The following BRWD1 variants were observed in gnomAD, a reference collection of about 807,000 sequenced individuals.
BRWD1 encodes bromodomain and WD repeat-containing protein 1.
In BRWD1, 82 loss-of-function variants were observed where a neutral mutation model predicts 251.2. The observed-to-expected ratio is 0.33, with a 90% CI of 0.27 to 0.39. The LOEUF (loss-of-function observed/expected upper bound fraction) is 0.39. Among genes scored for constraint, BRWD1 ranks in the 10% least tolerant of loss-of-function variants. BRWD1 has a pLI of 1.00. For synonymous variants in BRWD1, 918 were observed against 902.8 expected, an observed-to-expected ratio of 1.02 and a Z score of -0.30; for missense variants, 2,233 against 2,711.6, an observed-to-expected ratio of 0.82 and a Z score of 3.92.
In BRWD1 at chr21:39,190,532, A is replaced by T. The variant is rs986571604; in HGVS notation, c.*5727T>A. 26 of 985,286 alleles carry T rather than the reference A, an allele frequency of 2.6e-5. No individual in the cohort carries two copies. The highest frequency in any genetic ancestry group is 3.0e-5 in the Non-Finnish European group (25 of 829,914). The allele number at this position is 985,286 out of a possible 1,614,324, so 61.0% of individuals were successfully genotyped here. ...TGGGTAAACCCTCTAGGTGCAAGTT[A>T]TAAGCTCCCTCAAGCAAGCCTTTTA... On this transcript the variant is annotated 3_prime_UTR_variant, in exon 41 of 41. Transcript: ENST00000342449.
At chr21:39,245,076 A>C (rs74603897) in intron 21 of BRWD1, among the ~76,000 whole-genome samples, 2,299 of 151,652 alleles carry the variant, frequency 0.015, 56 homozygotes, top group African/African-American at 0.053. Context: ...AAACATTCTC[A>C]TTACATAATA....
chr21:39,184,467 A>G (rs1336807826), downstream of BRWD1: 2 of 152,230 alleles, frequency 1.3e-5, no homozygotes, highest in Non-Finnish European at 2.9e-5. Context: ...AATATGCAGT[A>G]ATGCAATGAA....
chr21:39,297,236 T>C (rs887939586), intron 5 of BRWD1: 5 of 985,470 alleles, frequency 5.1e-6, no homozygotes, highest in Admixed American at 6.1e-5. Context: ...GAAGGCATCA[T>C]ACTAAACCTC....
chr21:39,254,812 G>A (rs75367873), intron 19 of BRWD1, among the ~76,000 whole-genome samples: 2,641 of 152,220 alleles, frequency 0.017, 72 homozygotes, highest in African/African-American at 0.06. Flanking sequence ...CACAAAAACC[G>A]AGGAGGCTAT....
At chr21:39,277,769 T>A (rs1289623780) in intron 10 of BRWD1, among the ~76,000 whole-genome samples, 1 of 152,146 alleles carries the variant, frequency 6.6e-6, no homozygotes, top group African/African-American at 2.4e-5. Flanking sequence ...TCTCACCATG[T>A]TGGTCAGGAT....
chr21:39,231,435 ACCATGATTTGGTT>A (rs2033612818), intron 25 of BRWD1, among the ~76,000 whole-genome samples: 1 of 152,148 alleles, frequency 6.6e-6, no homozygotes, highest in Non-Finnish European at 1.5e-5. Context: ...GTGTGAATGC[ACCATGATTTGGTT>A]CATTCACTAT....
chr21:39,313,355 G>GC (rs2036582728), intron 1 of BRWD1, 56 bp from the exon 2 acceptor site: 2 of 1,446,442 alleles, frequency 1.4e-6, no homozygotes, highest in Non-Finnish European at 1.8e-6. Context: ...GGGGGACGGG[G>GC]CCAGGGGAGC....
chr21:39,192,535 C>T lies in BRWD1; in HGVS notation c.*3724G>A. 1.0e-6 allele frequency: 1 copy of T among 984,166 alleles called. No individual in the cohort carries two copies. The highest frequency in any genetic ancestry group is 1.2e-6 in the Non-Finnish European group (1 of 828,878). The allele number at this position is 984,166 out of a possible 1,614,324, so 61.0% of individuals were successfully genotyped here. The stretch of plus-strand genomic sequence containing the variant: ...AAAAGTTCTACAATGACTTGTTGCA[C>T]TCTATCACATTAAAATAATTGAACT... On this transcript the variant is annotated 3_prime_UTR_variant, in exon 41 of 41. Coordinates refer to ENST00000342449, the MANE Select transcript of BRWD1 (RefSeq NM_033656.4).
rs1317232118 is a variant in BRWD1, at chr21:39,313,572, C to T, written c.-81G>A. ...CGCCGAGGCCTGACCGGGCTGGCGT[C>T]CCCTCTTCTCAGGCGCGCGCCGCCG... On this transcript the variant is annotated 5_prime_UTR_variant, in exon 1 of 41. Transcript: ENST00000342449. The T allele has an allele frequency of 1.3e-5, 15 of 1,189,234 alleles. No individual in the cohort carries two copies. Among genetic ancestry groups the T allele is most frequent in the Non-Finnish European group, 1.6e-5 (15 of 947,178 alleles). The allele number at this position is 1,189,234 out of a possible 1,614,324, so 73.7% of individuals were successfully genotyped here.
chr21:39,194,584 A>C lies in BRWD1; in HGVS notation c.*1675T>G, dbSNP rs2031714872. On this transcript the variant is annotated 3_prime_UTR_variant, in exon 41 of 41. Transcript: ENST00000342449. Reference sequence around the variant, plus strand: ...CTATCTCAGTTGATAATGTCCAAAAACATCCTTCCCCATGCATCAGAGTAG... The same window carrying C: ...CTATCTCAGTTGATAATGTCCAAAACCATCCTTCCCCATGCATCAGAGTAG... 2 of 1,474,526 alleles carry C rather than the reference A, an allele frequency of 1.4e-6. No individual in the cohort carries two copies. The allele number at this position is 1,474,526 out of a possible 1,614,324, so 91.3% of individuals were successfully genotyped here.
chr21:39,305,079 C>T (rs547264042), intron 4 of BRWD1, among the ~76,000 whole-genome samples: 2 of 150,662 alleles, frequency 1.3e-5, no homozygotes, highest in South Asian at 2.1e-4. Flanking sequence ...CCTGCCTCAA[C>T]CTCCCAAGTA....
Position 39,203,438 on chromosome 21 carries a change from C to CTTTTT in BRWD1, c.4365-898_4365-894dup, listed in dbSNP as rs71330353. 8.9e-4 allele frequency among the ~76,000 whole-genome samples: 60 copies of CTTTTT among 67,656 alleles called. 2 individuals are homozygous for CTTTTT. Among genetic ancestry groups the CTTTTT allele is most frequent in the South Asian group, 1.2e-3 (2 of 1,684 alleles). The allele number at this position is 67,656 out of a possible 152,430, so 44.4% of individuals were successfully genotyped here. A position where few individuals can be genotyped will look rare whatever the true frequency, so the allele number is the denominator to read the frequency against. ...TGGGCAACAGAGCAAGACCCTGGTT[C>CTTTTT]TTTTTTTTTTTTTTTTTTTTTTTTG... is the stretch of plus-strand genomic sequence containing the variant. On this transcript the variant is annotated intron_variant, in intron 37 of 40. Transcript: ENST00000342449.
At chr21:39,289,462 AT>A (rs911457854) in intron 8 of BRWD1, among the ~76,000 whole-genome samples, 74 of 144,926 alleles carry the variant, frequency 5.1e-4, no homozygotes, top group Admixed American at 4.8e-4. Context: ...CCACACATTC[AT>A]TTTTTTTTTT....
In BRWD1 at chr21:39,193,761, T is replaced by G; in HGVS notation, c.*2498A>C. ...CTAAACATTAAAGTACACCTGTGCA[T>G]TAAATCCCTGGGCATTTTGCATAAC... On this transcript the variant is annotated 3_prime_UTR_variant, in exon 41 of 41. Transcript: ENST00000342449. 1.0e-6 allele frequency: 1 copy of G among 985,582 alleles called. No homozygotes were observed. Among genetic ancestry groups the G allele is most frequent in the Non-Finnish European group, 1.2e-6 (1 of 829,722 alleles). 61.1% of individuals were successfully genotyped at this position (985,582 alleles called of 1,614,324 possible).
chr21:39,188,402 G>A lies in BRWD1; in HGVS notation c.*7857C>T. On this transcript the variant is annotated 3_prime_UTR_variant, in exon 41 of 41. Coordinates refer to ENST00000342449, the MANE Select transcript of BRWD1 (RefSeq NM_033656.4). ...CAGTTGATATCCTCCACCCACACTAGACATCTGGAGGACTCCACCACATTC... is the reference window on the plus strand; with the variant it reads ...CAGTTGATATCCTCCACCCACACTAAACATCTGGAGGACTCCACCACATTC... 1.0e-6 allele frequency: 1 copy of A among 985,336 alleles called. No individual in the cohort carries two copies. Among genetic ancestry groups the A allele is most frequent in the Non-Finnish European group, 1.2e-6 (1 of 829,876 alleles). The allele number at this position is 985,336 out of a possible 1,614,324, so 61.0% of individuals were successfully genotyped here. A position where few individuals can be genotyped will look rare whatever the true frequency, so the allele number is the denominator to read the frequency against.
chr21:39,312,631 G>C, intron 4 of BRWD1: 1 of 387,556 alleles, frequency 2.6e-6, no homozygotes, highest in Non-Finnish European at 4.7e-6. Flanking sequence ...TCCGCCCCGC[G>C]CCGCCCCCAA....
chr21:39,207,483 CAAACA>C (rs1406632998), intron 36 of BRWD1, among the ~76,000 whole-genome samples: 2 of 148,300 alleles, frequency 1.3e-5, no homozygotes, highest in East Asian at 2.0e-4. Flanking sequence ...CACACACACA[CAAACA>C]AAACTCCAAA....
chr21:39,236,712 T>C lies in BRWD1; in HGVS notation c.2649A>G (p.Ser883=). 1 of 1,614,128 alleles carries C rather than the reference T, an allele frequency of 6.2e-7. No homozygotes were observed. Among genetic ancestry groups the C allele is most frequent in the South Asian group, 1.1e-5 (1 of 91,076 alleles). The stretch of plus-strand genomic sequence containing the variant: ...AAAATCGAGTAATTCGTCGACGACA[T>C]GATGTTCTTAAAGGAGGCTGCAAAT... ...GINLQPPLRT[S]CRRRITRFCS... Residue 883 remains serine (S), a synonymous_variant, in exon 23 of 41, where the codon TCA becomes TCG. Transcript: ENST00000342449.
chr21:39,197,844 C>CTAA (rs1237701725), intron 40 of BRWD1, among the ~76,000 whole-genome samples: 1 of 152,174 alleles, frequency 6.6e-6, no homozygotes, highest in African/African-American at 2.4e-5. Flanking sequence ...GATTACTTCA[C>CTAA]TAAGCAATGG....
Sources: gnomAD v4.1 joint callset for allele counts (sites outside exome capture counted in the v4.1 genomes callset) on GRCh38, gnomAD v4.1.1 for gene constraint, MANE v1.5 for transcripts, NCBI Gene and HGNC (gene_info 2026-07-23, HGNC 2026-07-21) for gene names.